The following DIS3L2 variants were observed in gnomAD, a reference collection of about 807,000 sequenced individuals.
The protein encoded by DIS3L2 is DIS3 like 3'-5' exoribonuclease 2.
In DIS3L2, 34 loss-of-function variants were observed where a neutral mutation model predicts 97.5. The observed-to-expected ratio is 0.35, with a 90% CI of 0.27 to 0.46. The LOEUF (loss-of-function observed/expected upper bound fraction) is 0.46. Ranked by LOEUF, DIS3L2 falls within the 20% of genes least tolerant of loss-of-function variation. DIS3L2 has a pLI of 1.00. For missense variants in DIS3L2, 1,038 were observed against 1,146.0 expected (o/e 0.91, Z 1.36); for synonymous variants, 435 against 445.2 (o/e 0.98, Z 0.29).
intron 9 of DIS3L2, among the ~76,000 whole-genome samples, chr2:232,209,885 T>G (rs1692138331): frequency 6.6e-6 from 1 of 152,244 alleles, no homozygotes; most frequent in Non-Finnish European, 1.5e-5. Context: ...TCTATTATGG[T>G]TAACTCTACG....
chr2:232,311,372 G>T (rs1305216766), intron 14 of DIS3L2, among the ~76,000 whole-genome samples: 1 of 152,190 alleles, frequency 6.6e-6, no homozygotes, highest in Non-Finnish European at 1.5e-5. Flanking sequence ...AGAGAAAAGT[G>T]TACAAATTAT....
chr2:232,308,268 G>C (rs181763333), intron 14 of DIS3L2, among the ~76,000 whole-genome samples: 2 of 152,270 alleles, frequency 1.3e-5, no homozygotes, highest in East Asian at 1.9e-4. Context: ...CCCTAGCTTT[G>C]GGGTGCCTGC....
intron 4 of DIS3L2, among the ~76,000 whole-genome samples, chr2:232,027,127 G>A (rs1694681669): frequency 6.6e-6 from 1 of 152,076 alleles, no homozygotes; most frequent in Non-Finnish European, 1.5e-5. Flanking sequence ...ACTGAAGAGG[G>A]CAATAATAGA....
intron 6 of DIS3L2, among the ~76,000 whole-genome samples, chr2:232,113,612 A>G (rs1461684873): frequency 4.6e-5 from 7 of 152,190 alleles, no homozygotes; most frequent in Non-Finnish European, 1.0e-4. Context: ...TATAAAACCC[A>G]AAAGGAGGGA....
intron 1 of DIS3L2, among the ~76,000 whole-genome samples, chr2:231,969,698 CT>C (rs1692837661): frequency 6.6e-6 from 1 of 152,122 alleles, no homozygotes; most frequent in Admixed American, 6.5e-5. Context: ...CCTTTCCAGG[CT>C]TTTATTTCTT....
intron 10 of DIS3L2, among the ~76,000 whole-genome samples, chr2:232,232,464 G>A (rs6437056): frequency 0.95 from 143,916 of 152,258 alleles, 68,106 homozygotes; most frequent in East Asian, 1. Flanking sequence ...CAAGGTGACA[G>A]TGGTGGGAAG....
At chr2:232,226,961 C>A (rs1363854595) in intron 10 of DIS3L2, among the ~76,000 whole-genome samples, 3 of 151,868 alleles carry the variant, frequency 2.0e-5, no homozygotes, top group East Asian at 1.9e-4. Flanking sequence ...CAGAGCAAGA[C>A]CCTGTCTCAA....
chr2:231,971,272 A>ATTTT (rs35737444), intron 1 of DIS3L2, among the ~76,000 whole-genome samples: 1 of 145,266 alleles, frequency 6.9e-6, no homozygotes, highest in African/African-American at 2.5e-5. Context: ...TTATTTTGTC[A>ATTTT]TTTTTTTTTT....
At chr2:232,022,719 T>C (rs1694551995) in intron 3 of DIS3L2, among the ~76,000 whole-genome samples, 1 of 152,246 alleles carries the variant, frequency 6.6e-6, no homozygotes, top group South Asian at 2.1e-4. Context: ...GTAGAGACTG[T>C]CTGTTGTTAG....
At chr2:232,208,363 T>A (rs1412158118) in intron 9 of DIS3L2, among the ~76,000 whole-genome samples, 1 of 151,404 alleles carries the variant, frequency 6.6e-6, no homozygotes, top group Non-Finnish European at 1.5e-5. Context: ...CAGGCTGGAA[T>A]GCAGTGGCAC....
intron 1 of DIS3L2, among the ~76,000 whole-genome samples, chr2:231,991,322 G>A (rs1021816260): frequency 2.0e-5 from 3 of 151,968 alleles, no homozygotes; most frequent in African/African-American, 4.8e-5. Flanking sequence ...TCCTAGGCTG[G>A]AGTGCAATGG....
chr2:231,992,492 A>G (rs2106192664), intron 1 of DIS3L2, among the ~76,000 whole-genome samples: 1 of 152,224 alleles, frequency 6.6e-6, no homozygotes, highest in African/African-American at 2.4e-5. Flanking sequence ...CACCAACAAA[A>G]AGGCAAACTG....
intron 13 of DIS3L2, among the ~76,000 whole-genome samples, chr2:232,298,992 A>G (rs1471416887): frequency 6.6e-6 from 1 of 152,222 alleles, no homozygotes; most frequent in Non-Finnish European, 1.5e-5. Flanking sequence ...TAACATGTCC[A>G]AAGTCAAACC....
intron 14 of DIS3L2, among the ~76,000 whole-genome samples, chr2:232,313,773 C>G (rs552582339): frequency 6.6e-6 from 1 of 152,334 alleles, no homozygotes; most frequent in South Asian, 2.1e-4. Flanking sequence ...GTTGGACTTA[C>G]AGTTCCACCT....
intron 1 of DIS3L2, among the ~76,000 whole-genome samples, chr2:231,976,659 G>A (rs1693104000): frequency 1.3e-5 from 2 of 150,232 alleles, no homozygotes; most frequent in African/African-American, 4.9e-5. Context: ...AATTGAAAAT[G>A]ATTGTAATAC....
chr2:232,259,926 T>C (rs1368597820), intron 12 of DIS3L2: 1 of 152,206 alleles, frequency 6.6e-6, no homozygotes, highest in African/African-American at 2.4e-5. Flanking sequence ...GCCACCGTGC[T>C]TGGCCAAAAT....
At chr2:232,117,574 A>G (rs1697765273) in intron 6 of DIS3L2, among the ~76,000 whole-genome samples, 1 of 152,158 alleles carries the variant, frequency 6.6e-6, no homozygotes, top group East Asian at 1.9e-4. Flanking sequence ...CTCAGACCAC[A>G]TGGTGTCAGT....
chr2:232,018,062 T>C (rs1371835417), intron 3 of DIS3L2, among the ~76,000 whole-genome samples: 1 of 152,168 alleles, frequency 6.6e-6, no homozygotes, highest in African/African-American at 2.4e-5. Context: ...AGGATCCAGA[T>C]ACTGTCTTTT....
At chr2:232,242,675 C>T (rs1245183751) in intron 11 of DIS3L2, among the ~76,000 whole-genome samples, 1 of 152,222 alleles carries the variant, frequency 6.6e-6, no homozygotes, top group Non-Finnish European at 1.5e-5. Context: ...ACCCAGCTGC[C>T]TTGGGCAGTG....
Sources: allele counts gnomAD v4.1 joint callset (sites outside exome capture counted in the v4.1 genomes callset), GRCh38; gene constraint gnomAD v4.1.1; transcripts MANE v1.5; gene names NCBI Gene and HGNC (gene_info 2026-07-23, HGNC 2026-07-21).